The following ENOX1 variants were observed in gnomAD, a reference collection of about 807,000 sequenced individuals.
ENOX1 encodes ecto-NOX disulfide-thiol exchanger 1, also known as candidate growth-related and time keeping constitutive hydroquinone (NADH) oxidase.
A neutral mutation model predicts 82.5 loss-of-function variants in ENOX1; 42 were observed. The ratio of observed to expected loss-of-function variants is 0.51; its 90% CI spans 0.40 to 0.66. The LOEUF (loss-of-function observed/expected upper bound fraction) is 0.66. ENOX1 is among the 30% of genes least tolerant of loss of function. ENOX1 has a pLI of 0.00. For missense variants in ENOX1, 608 were observed against 811.6 expected, an observed-to-expected ratio of 0.75 and a Z score of 3.05; for synonymous variants, 271 against 282.2, an observed-to-expected ratio of 0.96 and a Z score of 0.40.
intron 2 of ENOX1, among the ~76,000 whole-genome samples, chr13:43,552,933 T>TGG (rs2079269003): frequency 5.3e-5 from 8 of 152,144 alleles, no homozygotes; most frequent in African/African-American, 1.9e-4. Flanking sequence ...CCAATTAATT[T>TGG]AAGGATATTG....
chr13:43,348,281 T>C (rs2049531021), intron 8 of ENOX1, among the ~76,000 whole-genome samples: 1 of 152,272 alleles, frequency 6.6e-6, no homozygotes, highest in Non-Finnish European at 1.5e-5. Flanking sequence ...TTAGTCGCAC[T>C]GTATGGTAAT....
intron 2 of ENOX1, among the ~76,000 whole-genome samples, chr13:43,643,241 G>A (rs1362608411): frequency 6.6e-6 from 1 of 152,130 alleles, no homozygotes; most frequent in Non-Finnish European, 1.5e-5. Flanking sequence ...TAGTGTTTGT[G>A]TTCCCCCACC....
intron 1 of ENOX1, among the ~76,000 whole-genome samples, chr13:43,770,379 G>A (rs1334139743): frequency 1.3e-5 from 2 of 152,178 alleles, no homozygotes; most frequent in Non-Finnish European, 2.9e-5. Context: ...ACCATTAGGA[G>A]CATGAAAAAG....
intron 14 of ENOX1, among the ~76,000 whole-genome samples, chr13:43,243,779 G>A (rs747121125): frequency 1.3e-5 from 2 of 152,128 alleles, no homozygotes; most frequent in Non-Finnish European, 2.9e-5. Flanking sequence ...GTCAGATGCT[G>A]CTGCTTGGCA....
At chr13:43,737,946 TTC>T (rs1289856684) in intron 1 of ENOX1, among the ~76,000 whole-genome samples, 2 of 152,236 alleles carry the variant, frequency 1.3e-5, no homozygotes, top group African/African-American at 2.4e-5. Flanking sequence ...CTGAAATAAT[TTC>T]TGATAGGAAA....
chr13:43,521,685 T>C (rs2077775898), intron 2 of ENOX1, among the ~76,000 whole-genome samples: 2 of 152,124 alleles, frequency 1.3e-5, no homozygotes, highest in Non-Finnish European at 2.9e-5. Context: ...TAGAAGGCTT[T>C]GAGTGCAAAG....
chr13:43,630,954 T>C (rs940106316), intron 2 of ENOX1, among the ~76,000 whole-genome samples: 6 of 151,806 alleles, frequency 4.0e-5, no homozygotes, highest in Non-Finnish European at 8.8e-5. Context: ...TGTGTGTATG[T>C]AATACATATA....
At chr13:43,299,751 G>C (rs2046470467) in intron 11 of ENOX1, among the ~76,000 whole-genome samples, 1 of 152,124 alleles carries the variant, frequency 6.6e-6, no homozygotes. Flanking sequence ...AGAGAAAAGT[G>C]AAAGAAAATT....
intron 5 of ENOX1, among the ~76,000 whole-genome samples, chr13:43,372,483 C>A (rs1346267713): frequency 6.6e-6 from 1 of 152,134 alleles, no homozygotes; most frequent in East Asian, 1.9e-4. Context: ...TCATCTAAAT[C>A]CACACAAGGT....
intron 2 of ENOX1, among the ~76,000 whole-genome samples, chr13:43,655,357 G>GTT (rs142565380): frequency 2.0e-5 from 3 of 151,756 alleles, no homozygotes; most frequent in African/African-American, 7.3e-5. Flanking sequence ...TTTGCTTTTT[G>GTT]TTTTTTTTGG....
intron 12 of ENOX1, among the ~76,000 whole-genome samples, chr13:43,278,081 AT>A (rs2045163368): frequency 6.6e-6 from 1 of 152,226 alleles, no homozygotes; most frequent in African/African-American, 2.4e-5. Flanking sequence ...TGCACCAGCA[AT>A]TCTAAGCAAA....
intron 11 of ENOX1, among the ~76,000 whole-genome samples, chr13:43,302,250 C>T (rs1482646968): frequency 1.3e-5 from 2 of 152,012 alleles, no homozygotes; most frequent in Non-Finnish European, 2.9e-5. Flanking sequence ...AATTAGACAC[C>T]TTAAATGTCA....
intron 2 of ENOX1, among the ~76,000 whole-genome samples, chr13:43,594,797 G>T (rs926755834): frequency 6.6e-6 from 1 of 152,054 alleles, no homozygotes; most frequent in African/African-American, 2.4e-5. Flanking sequence ...TACTTATTGG[G>T]AGATGGTGCA....
At chr13:43,630,752 ACTAT>A (rs1468156831) in intron 2 of ENOX1, among the ~76,000 whole-genome samples, 1 of 151,948 alleles carries the variant, frequency 6.6e-6, no homozygotes, top group Non-Finnish European at 1.5e-5. Flanking sequence ...TCCACATAAT[ACTAT>A]CTAGCTATAA....
intron 1 of ENOX1, among the ~76,000 whole-genome samples, chr13:43,671,571 C>A (rs1344571597): frequency 6.6e-6 from 1 of 152,202 alleles, no homozygotes; most frequent in East Asian, 1.9e-4. Context: ...GGTCTCATTA[C>A]ACCATTACAT....
At chr13:43,249,246 T>C (rs904547551) in intron 14 of ENOX1, among the ~76,000 whole-genome samples, 3 of 152,226 alleles carry the variant, frequency 2.0e-5, no homozygotes, top group African/African-American at 7.2e-5. Context: ...TTTTACTATA[T>C]GCCACTGTAG....
chr13:43,287,674 A>T (rs2045776707), intron 12 of ENOX1, among the ~76,000 whole-genome samples: 1 of 152,192 alleles, frequency 6.6e-6, no homozygotes, highest in Non-Finnish European at 1.5e-5. Flanking sequence ...ACGGCAAGAT[A>T]CTCAGTGGGC....
chr13:43,755,241 T>C (rs1241781237), intron 1 of ENOX1, among the ~76,000 whole-genome samples: 1 of 152,190 alleles, frequency 6.6e-6, no homozygotes, highest in Non-Finnish European at 1.5e-5. Context: ...CATATGACCA[T>C]CACTGTCAGA....
At chr13:43,470,307 C>CAT (rs35765969) in intron 3 of ENOX1, among the ~76,000 whole-genome samples, 11,482 of 41,518 alleles carry the variant, frequency 0.28, 2,116 homozygotes, top group African/African-American at 0.41. Context: ...CATATATATA[C>CAT]ATATATATAC....
Sources: gnomAD v4.1 joint callset for allele counts (sites outside exome capture counted in the v4.1 genomes callset) on GRCh38, gnomAD v4.1.1 for gene constraint, MANE v1.5 for transcripts, NCBI Gene and HGNC (gene_info 2026-07-23, HGNC 2026-07-21) for gene names.